Variants in CNTNAP3 observed in about 807,000 individuals in gnomAD.
CNTNAP3 encodes the protein contactin-associated protein-like 3.
CNTNAP3 carries 36 observed loss-of-function variants against 92.1 expected under a neutral mutation model. That is an observed-to-expected ratio of 0.39 (90% CI 0.30 to 0.52). CNTNAP3 has a LOEUF of 0.52. Ranked by LOEUF, CNTNAP3 falls within the 20% of genes least tolerant of loss-of-function variation. CNTNAP3 has a pLI of 0.76. For missense variants in CNTNAP3, 534 were observed against 1,069.6 expected, an observed-to-expected ratio of 0.50 and a Z score of 6.98; for synonymous variants, 232 against 422.3, an observed-to-expected ratio of 0.55 and a Z score of 5.53.
At chr9:39,100,743 G>C (rs1171962010) in intron 17 of CNTNAP3, among the ~76,000 whole-genome samples, 1 of 152,012 alleles carries the variant, frequency 6.6e-6, no homozygotes, top group East Asian at 1.9e-4. Context: ...AACAGTAATT[G>C]AATACTGCAT....
At chr9:39,168,239 A>C (rs906856627) in intron 8 of CNTNAP3, among the ~76,000 whole-genome samples, 6 of 148,552 alleles carry the variant, frequency 4.0e-5, no homozygotes, top group Non-Finnish European at 9.0e-5. Context: ...GGATGGTCTC[A>C]ATCTCCTGAC....
intron 14 of CNTNAP3, among the ~76,000 whole-genome samples, chr9:39,116,929 T>A (rs1820872787): frequency 6.6e-6 from 1 of 152,094 alleles, no homozygotes; most frequent in African/African-American, 2.4e-5. Context: ...GATTAGCTAT[T>A]TTATGTCCAA....
Position 39,085,758 on chromosome 9 carries a change from A to G in CNTNAP3, c.3420T>C (p.Ser1140=), listed in dbSNP as rs1826049341. 6.4e-7 allele frequency: 1 copy of G among 1,558,906 alleles called. No homozygotes were observed. Among genetic ancestry groups the G allele is most frequent in the Admixed American group, 1.7e-5 (1 of 58,958 alleles). The change falls in exon 21 of 24, where the codon TCT becomes TCC. Residue 1140 remains serine (S), a synonymous_variant. Transcript: ENST00000297668. ...TACCTAAAACCTTTCCCAATATGAG[A>G]GATTTGACGGCGTTGAATTCTGTCC... ...SSGTEFNAVK[S]LILGKVLEAA...
At chr9:39,125,119 C>A (rs1587720397) in intron 13 of CNTNAP3, among the ~76,000 whole-genome samples, 1 of 151,968 alleles carries the variant, frequency 6.6e-6, no homozygotes, top group East Asian at 1.9e-4. Context: ...AAATGTCCAT[C>A]AATGACAGAC....
intron 14 of CNTNAP3, among the ~76,000 whole-genome samples, chr9:39,110,054 CTAA>C (rs1327507881): frequency 4.6e-5 from 7 of 152,104 alleles, no homozygotes; most frequent in African/African-American, 1.2e-4. Context: ...AATACATAGA[CTAA>C]TGAGTGTGAA....
intron 15 of CNTNAP3, among the ~76,000 whole-genome samples, chr9:39,107,470 T>C: frequency 6.6e-6 from 1 of 151,474 alleles, no homozygotes. Context: ...GAAAGAAAAA[T>C]TTCATAAGAG....
At chr9:39,126,501 C>A (rs1227351359) in intron 13 of CNTNAP3, among the ~76,000 whole-genome samples, 2 of 152,128 alleles carry the variant, frequency 1.3e-5, no homozygotes, top group Non-Finnish European at 2.9e-5. Context: ...AAAAAGTAAA[C>A]TGCAAACAAA....
intron 13 of CNTNAP3, 63 bp from the exon 14 acceptor site, chr9:39,118,322 A>G: frequency 6.2e-7 from 1 of 1,604,894 alleles, no homozygotes; most frequent in Non-Finnish European, 8.5e-7. Context: ...CTCCCCATAT[A>G]GCTCCCTTTA....
rs1587724905 is a variant in CNTNAP3 at position 39,133,240 on chromosome 9, T to C, written c.1877-105A>G. ...TGTGAATTAACGTTTAATTGAAATT[T>C]ACATTACTGCATGTTTGCCGCGATT... On this transcript the variant is annotated intron_variant, in intron 12 of 23. Coordinates refer to ENST00000297668, the MANE Select transcript of CNTNAP3 (RefSeq NM_033655.5). 2.2e-6 allele frequency: 3 copies of C among 1,364,628 alleles called. No individual in the cohort carries two copies. In the East Asian group the frequency reaches 7.6e-5, roughly 34 times the overall value. 84.5% of individuals were successfully genotyped at this position (1,364,628 alleles called of 1,614,324 possible).
In CNTNAP3 at chr9:39,132,888, C is replaced by A. The variant is rs561470022; in HGVS notation, c.2080+44G>T. ...CGCATCTCGCAGCCCGAGGGCCGCG[C>A]CCCGGCCCCGTGAACCCCTGTAGCC... On this transcript the variant is annotated intron_variant, in intron 13 of 23. Transcript: ENST00000297668. The A allele has an allele frequency of 1.8e-5, 27 of 1,508,012 alleles. No individual in the cohort carries two copies. In the African/African-American group the frequency reaches 3.4e-4, roughly 19 times the overall value. The allele number at this position is 1,508,012 out of a possible 1,614,324, so 93.4% of individuals were successfully genotyped here. A position where few individuals can be genotyped will look rare whatever the true frequency, so the allele number is the denominator to read the frequency against.
chr9:39,084,308 T>A (rs1490695649), intron 21 of CNTNAP3, among the ~76,000 whole-genome samples: 1 of 149,682 alleles, frequency 6.7e-6, no homozygotes, highest in Non-Finnish European at 1.5e-5. Context: ...TTCTCCTGCC[T>A]CAGCCTCCCG....
In CNTNAP3 at chr9:39,069,084, A is replaced by C. The variant is rs372049977; in HGVS notation, c.*4806T>G. Among the ~76,000 whole-genome samples, 2,118 of 150,404 alleles carry C rather than the reference A, an allele frequency of 0.014. No individual in the cohort carries two copies. The highest frequency in any genetic ancestry group is 0.069 in the East Asian group (335 of 4,830). On this transcript the variant is annotated 3_prime_UTR_variant, in exon 24 of 24. Transcript: ENST00000297668. ...TCCTAAAGATTTGGAACAAGAAGTA[A>C]ATTTAGCTATCAATTATGTTTACTC...
chr9:39,083,049 T>C lies in CNTNAP3; in HGVS notation c.3442+2687A>G, dbSNP rs560890386. Among the ~76,000 whole-genome samples the C allele has an allele frequency of 2.2e-4, 32 of 143,406 alleles. 1 individual carries two copies. The highest frequency in any genetic ancestry group is 7.1e-4 in the African/African-American group (28 of 39,202). The allele number at this position is 143,406 out of a possible 152,430, so 94.1% of individuals were successfully genotyped here. On this transcript the variant is annotated intron_variant, in intron 21 of 23. Coordinates refer to ENST00000297668, the MANE Select transcript of CNTNAP3 (RefSeq NM_033655.5). Reference sequence around the variant, plus strand: ...ACAGAAGTAATATAAAATACATAGGTTGATGAATTTTAAAATGTTAAAACT... The same window carrying C: ...ACAGAAGTAATATAAAATACATAGGCTGATGAATTTTAAAATGTTAAAACT...
chr9:39,082,811 C>T (rs1424565806), intron 21 of CNTNAP3, among the ~76,000 whole-genome samples: 1 of 152,284 alleles, frequency 6.6e-6, no homozygotes, highest in Non-Finnish European at 1.5e-5. Flanking sequence ...CCATCACTGC[C>T]CCGTAAGGCT....
At chr9:39,138,163 A>AT (rs1332117020) in intron 12 of CNTNAP3, among the ~76,000 whole-genome samples, 1 of 152,072 alleles carries the variant, frequency 6.6e-6, no homozygotes, top group East Asian at 1.9e-4. Context: ...AAGTAATAGG[A>AT]TTATAGGTCC....
chr9:39,096,824 C>T (rs1256151029), intron 18 of CNTNAP3, among the ~76,000 whole-genome samples: 2 of 150,882 alleles, frequency 1.3e-5, no homozygotes, highest in East Asian at 3.9e-4. Context: ...TTGACTTTGG[C>T]TTTCAAAGTT....
At chr9:39,128,799 A>AT (rs1033555653) in intron 13 of CNTNAP3, among the ~76,000 whole-genome samples, 10 of 151,732 alleles carry the variant, frequency 6.6e-5, no homozygotes, top group African/African-American at 2.4e-4. Context: ...CTAAAAAAAA[A>AT]TTAAGTTCAA....
At chr9:39,135,526 CAAAT>C (rs1168789582) in intron 12 of CNTNAP3, among the ~76,000 whole-genome samples, 2 of 152,114 alleles carry the variant, frequency 1.3e-5, no homozygotes, top group Non-Finnish European at 2.9e-5. Context: ...TCCTGTTGCT[CAAAT>C]AAATATCCGA....
intron 10 of CNTNAP3, 123 bp from the exon 11 acceptor site, chr9:39,144,469 C>G: frequency 1.4e-6 from 2 of 1,418,330 alleles, no homozygotes; most frequent in Non-Finnish European, 1.9e-6. Flanking sequence ...AAGATAACCC[C>G]ACATGACGTG....
Sources: allele counts gnomAD v4.1 joint callset (sites outside exome capture counted in the v4.1 genomes callset), GRCh38; gene constraint gnomAD v4.1.1; transcripts MANE v1.5; gene names NCBI Gene and HGNC (gene_info 2026-07-23, HGNC 2026-07-21).